The following TRPM3 variants were observed in gnomAD, a reference collection of about 807,000 sequenced individuals.
TRPM3 encodes transient receptor potential cation channel subfamily M member 3.
TRPM3 carries 77 observed loss-of-function variants against 181.2 expected under a neutral mutation model. That is an observed-to-expected ratio of 0.42 (90% confidence interval 0.35 to 0.51). TRPM3 has a LOEUF of 0.51. TRPM3 is among the 20% of genes least tolerant of loss of function. The pLI, the probability that TRPM3 is intolerant of heterozygous loss-of-function variation, is 0.01. For synonymous variants in TRPM3, 745 were observed against 796.4 expected (o/e 0.94, Z 1.09); for missense variants, 1,759 against 2,196.7 (o/e 0.80, Z 3.98).
intron 1 of TRPM3, among the ~76,000 whole-genome samples, chr9:71,085,002 A>C (rs2065032445): frequency 6.6e-6 from 1 of 152,088 alleles, no homozygotes; most frequent in South Asian, 2.1e-4. Context: ...GATCATTGAC[A>C]AAATCAACAA....
At chr9:71,250,289 G>C (rs1387433205) in intron 1 of TRPM3, among the ~76,000 whole-genome samples, 1 of 152,060 alleles carries the variant, frequency 6.6e-6, no homozygotes, top group Non-Finnish European at 1.5e-5. Context: ...CTAAAGTTGG[G>C]ATCGTAAGTT....
intron 1 of TRPM3, among the ~76,000 whole-genome samples, chr9:71,379,905 T>TA (rs2092757987): frequency 6.6e-6 from 1 of 152,046 alleles, no homozygotes. Context: ...TCCTACAGCA[T>TA]ACGCAAGTAA....
intron 9 of TRPM3, among the ~76,000 whole-genome samples, chr9:70,662,068 A>T (rs1298066438): frequency 6.6e-6 from 1 of 152,206 alleles, no homozygotes; most frequent in East Asian, 1.9e-4. Context: ...TGGTATAAAA[A>T]TAGGCACATA....
intron 1 of TRPM3, among the ~76,000 whole-genome samples, chr9:71,321,859 C>T (rs1322419386): frequency 6.6e-6 from 1 of 151,894 alleles, no homozygotes; most frequent in Non-Finnish European, 1.5e-5. Context: ...AGAAGTGGTC[C>T]CTACCCTCAA....
intron 1 of TRPM3, among the ~76,000 whole-genome samples, chr9:71,115,362 TCCC>T: frequency 6.6e-6 from 1 of 152,248 alleles, no homozygotes; most frequent in African/African-American, 2.4e-5. Context: ...TCTGACAAGC[TCCC>T]CAAGTGGTTC....
intron 7 of TRPM3, among the ~76,000 whole-genome samples, chr9:70,773,855 T>C (rs564517484): frequency 6.6e-6 from 1 of 152,338 alleles, no homozygotes; most frequent in African/African-American, 2.4e-5. Flanking sequence ...CTGGATGTCT[T>C]ATTTTTCCTG....
chr9:71,132,509 G>T (rs1037952564), intron 1 of TRPM3, among the ~76,000 whole-genome samples: 2 of 152,124 alleles, frequency 1.3e-5, no homozygotes, highest in African/African-American at 4.8e-5. Flanking sequence ...AACATTTTCA[G>T]GGTGATAAAA....
At chr9:70,913,715 T>G (rs1452745780) in intron 1 of TRPM3, among the ~76,000 whole-genome samples, 1 of 152,212 alleles carries the variant, frequency 6.6e-6, no homozygotes, top group African/African-American at 2.4e-5. Context: ...GGATGAATTT[T>G]TTTTTGTCTT....
chr9:70,864,535 A>AAAG (rs2095602081), intron 1 of TRPM3, 24 bp from the exon 2 acceptor site: 1 of 1,465,398 alleles, frequency 6.8e-7, no homozygotes, highest in Non-Finnish European at 9.0e-7. Context: ...CAAAAAAAAA[A>AAAG]AAAAAAGAAA....
intron 1 of TRPM3, among the ~76,000 whole-genome samples, chr9:71,117,916 C>G: frequency 6.6e-6 from 1 of 152,148 alleles, no homozygotes; most frequent in Non-Finnish European, 1.5e-5. Flanking sequence ...ACACAGAAAG[C>G]TCTCTGCCCT....
At chr9:70,891,062 C>A (rs1002382906) in intron 1 of TRPM3, among the ~76,000 whole-genome samples, 1 of 152,008 alleles carries the variant, frequency 6.6e-6, no homozygotes, top group Non-Finnish European at 1.5e-5. Context: ...AGGAGATATA[C>A]CTAATGTCAA....
In TRPM3 at chr9:70,536,934, T is replaced by A. The variant is rs777820517; in HGVS notation, c.4179A>T (p.Ala1393=). ...HSVAKEPKAP[A]APANTLAIVP... is the part of the protein sequence containing the mutation. ...CAATGGCCAAGGTGTTGGCAGGGGC[T>A]GCAGGAGCTTTGGGTTCTTTTGCTA... Residue 1393 remains alanine (A), a synonymous_variant, in exon 26 of 26, where the codon GCA becomes GCT. Coordinates refer to ENST00000677713, the MANE Select transcript of TRPM3 (RefSeq NM_001366145.2). 6.2e-7 allele frequency: 1 copy of A among 1,614,212 alleles called. No individual in the cohort carries two copies. Among genetic ancestry groups the A allele is most frequent in the Non-Finnish European group, 8.5e-7 (1 of 1,180,030 alleles).
chr9:70,986,664 A>AT (rs955819674), intron 1 of TRPM3, among the ~76,000 whole-genome samples: 2 of 152,098 alleles, frequency 1.3e-5, no homozygotes, highest in African/African-American at 4.8e-5. Context: ...AAACAGAGCT[A>AT]TTTTTCCCCT....
intron 1 of TRPM3, among the ~76,000 whole-genome samples, chr9:71,179,105 T>G (rs978105272): frequency 6.6e-6 from 1 of 152,180 alleles, no homozygotes; most frequent in Non-Finnish European, 1.5e-5. Flanking sequence ...CTTTCCTATA[T>G]TCTAGGTTTC....
chr9:71,407,777 A>G (rs2093465305), intron 1 of TRPM3, among the ~76,000 whole-genome samples: 1 of 152,206 alleles, frequency 6.6e-6, no homozygotes, highest in Admixed American at 6.5e-5. Flanking sequence ...TGCCTCCTCA[A>G]GTAGGTCACT....
intron 1 of TRPM3, among the ~76,000 whole-genome samples, chr9:70,865,958 G>T (rs1033889147): frequency 6.6e-6 from 1 of 152,012 alleles, no homozygotes; most frequent in Admixed American, 6.6e-5. Flanking sequence ...TTGCAGTTTT[G>T]CCTTTCAGCT....
At chr9:70,591,328 A>T (rs1276406921) in intron 21 of TRPM3, 123 bp from the exon 22 acceptor site, 32 of 744,700 alleles carry the variant, frequency 4.3e-5, no homozygotes, top group Non-Finnish European at 6.7e-5. Context: ...CTGGGAAGGG[A>T]TGTTTAGACA....
At chr9:70,597,955 T>G (rs774994504) in intron 21 of TRPM3, among the ~76,000 whole-genome samples, 2 of 152,216 alleles carry the variant, frequency 1.3e-5, no homozygotes, top group African/African-American at 2.4e-5. Context: ...AAATTTGTAG[T>G]GGAGACCCAT....
intron 1 of TRPM3, among the ~76,000 whole-genome samples, chr9:71,037,597 G>A (rs1409834518): frequency 6.6e-6 from 1 of 152,238 alleles, no homozygotes; most frequent in Non-Finnish European, 1.5e-5. Context: ...TTACACGACT[G>A]CACTTCTTGC....
Sources: gnomAD v4.1 joint callset for allele counts (sites outside exome capture counted in the v4.1 genomes callset) on GRCh38, gnomAD v4.1.1 for gene constraint, MANE v1.5 for transcripts, NCBI Gene and HGNC (gene_info 2026-07-23, HGNC 2026-07-21) for gene names.